TBC1D30: variants seen among roughly 807,000 people sequenced by gnomAD.
TBC1D30 encodes TBC1 domain family, member 30.
A neutral mutation model predicts 63.2 loss-of-function variants in TBC1D30; 31 were observed. The ratio of observed to expected loss-of-function variants is 0.49; its 90% CI spans 0.37 to 0.66. The LOEUF is 0.66. Among genes scored for constraint, TBC1D30 ranks in the 30% least tolerant of loss-of-function variants. The pLI is 0.00. For synonymous variants in TBC1D30, 307 were observed against 361.5 expected (o/e 0.85, Z 1.71); for missense variants, 810 against 953.6 (o/e 0.85, Z 1.98).
Position 64,876,073 on chromosome 12 carries a change from G to T in TBC1D30, c.*285G>T. 1 of 350,334 alleles carries T rather than the reference G, an allele frequency of 2.9e-6. No homozygotes were observed. The highest frequency in any genetic ancestry group is 5.1e-6 in the Non-Finnish European group (1 of 194,694). The allele number at this position is 350,334 out of a possible 1,614,324, so 21.7% of individuals were successfully genotyped here. ...TTTTCATTGTGAGCTGTTTAAAAAA[G>T]ACTATATCTAGATTGTTAACTCTCG... On this transcript the variant is annotated 3_prime_UTR_variant, in exon 12 of 12. Transcript: ENST00000539867.
At chr12:64,874,668 T>C (rs777118915) in intron 11 of TBC1D30, among the ~76,000 whole-genome samples, 3 of 152,072 alleles carry the variant, frequency 2.0e-5, no homozygotes, top group Non-Finnish European at 2.9e-5. Context: ...CTAAGTACAG[T>C]AACTCAGAGG....
In TBC1D30 at chr12:64,876,953, T is replaced by C. The variant is rs949386592; in HGVS notation, c.*1165T>C. 1 of 455,556 alleles carries C rather than the reference T, an allele frequency of 2.2e-6. No individual in the cohort carries two copies. Among genetic ancestry groups the C allele is most frequent in the East Asian group, 7.0e-5 (1 of 14,376 alleles). The allele number at this position is 455,556 out of a possible 1,614,324, so 28.2% of individuals were successfully genotyped here. On this transcript the variant is annotated 3_prime_UTR_variant, in exon 12 of 12. Coordinates refer to ENST00000539867, the MANE Select transcript of TBC1D30 (RefSeq NM_015279.2). ...TACTCAAGGTCAGTACTCTCGGTAT[T>C]CCAAGTGACTTAGCCACATTTCCTT... is the stretch of plus-strand genomic sequence containing the variant.
At chr12:64,796,137 T>C (rs1480621135) in intron 2 of TBC1D30, among the ~76,000 whole-genome samples, 1 of 151,590 alleles carries the variant, frequency 6.6e-6, no homozygotes, top group Non-Finnish European at 1.5e-5. Context: ...CATCTTAAAG[T>C]TAAGAGTTTT....
chr12:64,839,679 T>C (rs1422549638), intron 7 of TBC1D30, among the ~76,000 whole-genome samples: 1 of 152,196 alleles, frequency 6.6e-6, no homozygotes, highest in Non-Finnish European at 1.5e-5. Flanking sequence ...CCTGGGAGAC[T>C]TCTGGCATTT....
At chr12:64,821,725 G>A (rs1191582838), upstream of TBC1D30, among the ~76,000 whole-genome samples, 1 of 152,192 alleles carries the variant, frequency 6.6e-6, no homozygotes, top group African/African-American at 2.4e-5. Flanking sequence ...CAGCCAATGA[G>A]TGTCTTATTA....
chr12:64,867,519 G>A (rs1878325095), intron 10 of TBC1D30, among the ~76,000 whole-genome samples: 1 of 151,244 alleles, frequency 6.6e-6, no homozygotes, highest in Non-Finnish European at 1.5e-5. Context: ...TTTTTATTAT[G>A]TAATGGTTTT....
chr12:64,873,432 G>C (rs1210677325), intron 11 of TBC1D30, among the ~76,000 whole-genome samples: 1 of 152,146 alleles, frequency 6.6e-6, no homozygotes, highest in Non-Finnish European at 1.5e-5. Context: ...GTAGATCATG[G>C]ACCCTAGGTT....
At position 64,767,786 on chromosome 12, in the gene TBC1D30, GGC is replaced by G. The variant is rs1452977433; in HGVS notation, c.-376+8139_-376+8140del. Among the ~76,000 whole-genome samples, 27 of 59,676 alleles carry G rather than the reference GGC, an allele frequency of 4.5e-4. No homozygotes were observed. The East Asian group carries it at 0.01, about 23-fold the overall frequency. The allele number at this position is 59,676 out of a possible 152,430, so 39.1% of individuals were successfully genotyped here. On this transcript the variant is annotated intron_variant, in intron 1 of 13. Coordinates refer to the TBC1D30 transcript ENST00000674237. Reference sequence around the variant, plus strand: ...CACCTTGATAAGATACACATGCTCCGGCGGGGGGGGGGGGAGGGGGGGGAGAT... The same window carrying G: ...CACCTTGATAAGATACACATGCTCCGGGGGGGGGGGGGAGGGGGGGGAGAT...
intron 5 of TBC1D30, among the ~76,000 whole-genome samples, chr12:64,835,485 A>G (rs776003846): frequency 1.3e-5 from 2 of 152,208 alleles, no homozygotes; most frequent in Non-Finnish European, 2.9e-5. Flanking sequence ...TTATATATAT[A>G]GAACCAGTTA....
intron 2 of TBC1D30, among the ~76,000 whole-genome samples, chr12:64,792,986 T>A (rs1279242500): frequency 6.6e-6 from 1 of 152,096 alleles, no homozygotes; most frequent in Non-Finnish European, 1.5e-5. Flanking sequence ...ACAGAAGTAT[T>A]GTGCTTTGGC....
At chr12:64,863,935 G>A (rs1425920531) in intron 8 of TBC1D30, among the ~76,000 whole-genome samples, 1 of 152,162 alleles carries the variant, frequency 6.6e-6, no homozygotes, top group Non-Finnish European at 1.5e-5. Flanking sequence ...GAAGAAACAT[G>A]TTTGGAGCTA....
intron 1 of TBC1D30, among the ~76,000 whole-genome samples, chr12:64,775,099 A>G (rs1212613429): frequency 6.9e-6 from 1 of 144,812 alleles, no homozygotes. Flanking sequence ...TCTCAAAAAA[A>G]AAAAAATATA....
intron 7 of TBC1D30, among the ~76,000 whole-genome samples, chr12:64,841,210 G>A (rs1875838242): frequency 6.6e-6 from 1 of 152,194 alleles, no homozygotes; most frequent in African/African-American, 2.4e-5. Context: ...TGAGTAACAT[G>A]TGCCTTATAT....
intron 2 of TBC1D30, among the ~76,000 whole-genome samples, chr12:64,803,124 G>T (rs2136319195): frequency 6.6e-6 from 1 of 152,282 alleles, no homozygotes; most frequent in Admixed American, 6.5e-5. Context: ...CAGTGTAAAA[G>T]TGTTCCTATT....
Position 64,763,278 on chromosome 12 carries a change from A to G in TBC1D30, c.-376+3629A>G, listed in dbSNP as rs576224120. On this transcript the variant is annotated intron_variant, in intron 1 of 13. Transcript: ENST00000674237. ...TTCCTCAATGCTAGTGTGAGATCAA[A>G]TCGAAAGAAATTTGAATATTTTTCA... Among the ~76,000 whole-genome samples the G allele has an allele frequency of 1.2e-4, 19 of 152,310 alleles. 2 individuals carry two copies. Among genetic ancestry groups the G allele is most frequent in the African/African-American group, 4.3e-4 (18 of 41,570 alleles).
intron 10 of TBC1D30, chr12:64,868,568 CT>C: frequency 3.3e-6 from 1 of 305,058 alleles, no homozygotes; most frequent in Non-Finnish European, 6.2e-6. Context: ...TCCTCCTTGC[CT>C]TTTGAAGCAT....
intron 8 of TBC1D30, among the ~76,000 whole-genome samples, chr12:64,850,202 A>G (rs1191245882): frequency 2.6e-5 from 4 of 152,188 alleles, no homozygotes; most frequent in South Asian, 2.1e-4. Flanking sequence ...TAAATATACA[A>G]TTGTGTCATC....
At chr12:64,796,892 T>C (rs1213964984) in intron 2 of TBC1D30, among the ~76,000 whole-genome samples, 2 of 152,082 alleles carry the variant, frequency 1.3e-5, no homozygotes, top group Non-Finnish European at 2.9e-5. Flanking sequence ...CCCAAAAGAA[T>C]TGACTCTTTA....
intron 1 of TBC1D30, among the ~76,000 whole-genome samples, chr12:64,765,490 C>CAAAAAAAAAAAAAAAAA (rs60489979): frequency 2.3e-4 from 4 of 17,604 alleles, no homozygotes; most frequent in African/African-American, 6.1e-4. Flanking sequence ...AGACTGTCTC[C>CAAAAAAAAAAAAAAAAA]AAAAAAAAAA....
Sources: gnomAD v4.1 joint callset for allele counts (sites outside exome capture counted in the v4.1 genomes callset) on GRCh38, gnomAD v4.1.1 for gene constraint, MANE v1.5 for transcripts, NCBI Gene and HGNC (gene_info 2026-07-23, HGNC 2026-07-21) for gene names.